The following CCNH variants were observed in gnomAD, a reference collection of about 807,000 sequenced individuals.
CCNH encodes the protein cyclin-H.
CCNH carries 31 observed loss-of-function variants against 41.9 expected under a neutral mutation model. The ratio of observed to expected loss-of-function variants is 0.74; its 90% CI spans 0.56 to 1.00. The LOEUF is 1.00. Ranked by LOEUF, CCNH falls within the 50% of genes least tolerant of loss-of-function variation. The pLI, the probability that CCNH is intolerant of heterozygous loss-of-function variation, is 0.00. For missense variants in CCNH, 362 were observed against 388.4 expected (o/e 0.93, Z 0.57); for synonymous variants, 138 against 136.1 (o/e 1.01, Z -0.10).
intron 9 of CCNH, among the ~76,000 whole-genome samples, chr5:87,362,844 AG>A (rs974652266): frequency 4.0e-5 from 6 of 151,782 alleles, no homozygotes; most frequent in African/African-American, 1.4e-4. Flanking sequence ...GTATATTAAA[AG>A]TCTACATTTT....
chr5:87,395,195 A>C, intron 7 of CCNH, 91 bp from the exon 8 acceptor site: 24 of 1,032,292 alleles, frequency 2.3e-5, no homozygotes, highest in Non-Finnish European at 3.1e-5. Context: ...AGGCAATATC[A>C]TGTATCTACT....
chr5:87,380,563 T>C (rs1319381841), upstream of CCNH: 8 of 1,613,198 alleles, frequency 5.0e-6, no homozygotes, highest in South Asian at 8.8e-5. Flanking sequence ...ATAAGTGGCC[T>C]ACAAATACCA....
chr5:87,411,361 T>C lies in CCNH; in HGVS notation c.118-15A>G. ...TTCGGAAGAACCTTTAGATCAACAA[T>C]TACAACACAAGTTCAATGAATTCAA... On this transcript the variant is annotated splice_polypyrimidine_tract_variant and intron_variant, in intron 1 of 8. Transcript: ENST00000256897. The C allele has an allele frequency of 6.3e-7, 1 of 1,594,156 alleles. No homozygotes were observed. Among genetic ancestry groups the C allele is most frequent in the Non-Finnish European group, 8.5e-7 (1 of 1,172,706 alleles).
Position 87,341,982 on chromosome 5 carries a change from T to A in CCNH, c.*91-23085A>T, listed in dbSNP as rs74588973. Among the ~76,000 whole-genome samples, 428 of 152,254 alleles carry A rather than the reference T, an allele frequency of 2.8e-3. 8 individuals carry two copies. The highest frequency in any genetic ancestry group is 9.9e-3 in the African/African-American group (410 of 41,584). ...CTGACTACTCCATTTGCAGTCACCT[T>A]GTTTAATGCTTCACCCTTCTGTAAG... On this transcript the variant is annotated intron_variant and NMD_transcript_variant, in intron 9 of 9. Coordinates refer to the CCNH transcript ENST00000645953.
chr5:87,405,303 G>A (rs1014894916), intron 4 of CCNH, among the ~76,000 whole-genome samples: 6 of 152,136 alleles, frequency 3.9e-5, no homozygotes, highest in African/African-American at 9.7e-5. Context: ...TGATTCAAAT[G>A]TAAGGCCACA....
At chr5:87,376,772 ACAT>A (rs1171949759) in exon 1 of CCNH, 4 of 1,249,292 alleles carry the variant, frequency 3.2e-6, no homozygotes, top group African/African-American at 3.0e-5. Context: ...ATTCAATGGG[ACAT>A]CATTTTAAAT....
chr5:87,381,590 G>A (rs907670105), upstream of CCNH, among the ~76,000 whole-genome samples: 6 of 151,904 alleles, frequency 3.9e-5, no homozygotes, highest in African/African-American at 1.2e-4. Flanking sequence ...TTCTTTTTTT[G>A]GGGGGCAGGT....
At chr5:87,363,327 A>T (rs751312776) in intron 9 of CCNH, 1 of 1,579,026 alleles carries the variant, frequency 6.3e-7, no homozygotes, top group Non-Finnish European at 8.7e-7. Flanking sequence ...CTAAGAGAAA[A>T]CAATTTTTTT....
At chr5:87,388,492 G>T (rs1297510256), downstream of CCNH, among the ~76,000 whole-genome samples, 3 of 152,112 alleles carry the variant, frequency 2.0e-5, no homozygotes, top group African/African-American at 7.2e-5. Context: ...CTCCAATTTT[G>T]GATTTTTGGA....
At chr5:87,322,983 A>T (rs1172886297) in intron 9 of CCNH, among the ~76,000 whole-genome samples, 1 of 152,180 alleles carries the variant, frequency 6.6e-6, no homozygotes, top group African/African-American at 2.4e-5. Context: ...TATTCACCTT[A>T]AGGTGAAGAT....
chr5:87,368,637 G>T (rs1390004888), intron 9 of CCNH, among the ~76,000 whole-genome samples: 1 of 152,142 alleles, frequency 6.6e-6, no homozygotes, highest in Non-Finnish European at 1.5e-5. Flanking sequence ...AGCCCTTCAG[G>T]GGTCTCAATG....
At chr5:87,378,690 T>C, upstream of CCNH, 1 of 851,902 alleles carries the variant, frequency 1.2e-6, no homozygotes, top group South Asian at 1.8e-5. Flanking sequence ...TTTATAAAAA[T>C]GTTCTGCAAA....
intron 9 of CCNH, among the ~76,000 whole-genome samples, chr5:87,342,158 T>C (rs1758517472): frequency 6.6e-6 from 1 of 151,646 alleles, no homozygotes; most frequent in South Asian, 2.1e-4. Context: ...TTTTGTTATT[T>C]TTTCTTTTTT....
At chr5:87,405,040 TG>T in intron 4 of CCNH, 33 bp from the exon 5 acceptor site, 1 of 1,543,666 alleles carries the variant, frequency 6.5e-7, no homozygotes, top group Non-Finnish European at 8.9e-7. Context: ...TTACCATTTC[TG>T]AGGGTTTAAA....
At chr5:87,409,161 C>A in intron 3 of CCNH, 129 bp downstream of exon 3, 1 of 439,752 alleles carries the variant, frequency 2.3e-6, no homozygotes, top group South Asian at 6.3e-5. Flanking sequence ...GAATTCAAGT[C>A]TAAATTACCC....
In CCNH at chr5:87,361,000, A is replaced by G. The variant is rs530068739; in HGVS notation, c.*90+31770T>C. Among the ~76,000 whole-genome samples, 6 of 152,340 alleles carry G rather than the reference A, an allele frequency of 3.9e-5. No individual in the cohort carries two copies. In the South Asian group the frequency reaches 1.2e-3, roughly 32 times the overall value. ...TTATGTTTTTACAAAAGATGCCGCA[A>G]TACTTTGCAACACAGTTACACACAC... On this transcript the variant is annotated intron_variant and NMD_transcript_variant, in intron 9 of 9. Coordinates refer to the CCNH transcript ENST00000645953.
chr5:87,335,938 C>CT (rs1325606652), intron 9 of CCNH, among the ~76,000 whole-genome samples: 5 of 152,176 alleles, frequency 3.3e-5, no homozygotes, highest in African/African-American at 1.2e-4. Context: ...TACAACTAAC[C>CT]TTCAAGAAAG....
downstream of CCNH, among the ~76,000 whole-genome samples, chr5:87,314,397 G>A (rs1478422826): frequency 6.6e-6 from 1 of 152,126 alleles, no homozygotes; most frequent in Non-Finnish European, 1.5e-5. Context: ...TAAAGAGATG[G>A]AAGACCAGTA....
chr5:87,352,987 T>C (rs1272683196), intron 9 of CCNH, among the ~76,000 whole-genome samples: 1 of 152,068 alleles, frequency 6.6e-6, no homozygotes, highest in Non-Finnish European at 1.5e-5. Context: ...CATTGTTTTT[T>C]CTAAAATAAT....
Sources: allele counts gnomAD v4.1 joint callset (sites outside exome capture counted in the v4.1 genomes callset), GRCh38; gene constraint gnomAD v4.1.1; transcripts MANE v1.5; gene names NCBI Gene and HGNC (gene_info 2026-07-23, HGNC 2026-07-21).